PTPRM: variants seen among roughly 807,000 people sequenced by gnomAD.
The protein encoded by PTPRM is receptor-type tyrosine-protein phosphatase mu.
PTPRM carries 47 observed loss-of-function variants against 186.7 expected under a neutral mutation model. That is an observed-to-expected ratio of 0.25 (90% CI 0.20 to 0.32). The LOEUF (loss-of-function observed/expected upper bound fraction) is 0.32. PTPRM is among the 10% of genes least tolerant of loss of function. The probability of loss-of-function intolerance (pLI) is 1.00; values close to 1 mark genes in which losing one functional copy is unlikely to be tolerated. For missense variants in PTPRM, 1,494 were observed against 1,865.0 expected (o/e 0.80, Z 3.66); for synonymous variants, 668 against 674.9 (o/e 0.99, Z 0.16).
At chr18:7,930,637 C>T (rs577567851) in intron 5 of PTPRM, among the ~76,000 whole-genome samples, 21 of 152,244 alleles carry the variant, frequency 1.4e-4, no homozygotes, top group South Asian at 4.1e-4. Context: ...AGGCATTATG[C>T]ACTTACGCTT....
At chr18:8,387,592 A>AT (rs139880173) in intron 31 of PTPRM, among the ~76,000 whole-genome samples, 5,954 of 152,158 alleles carry the variant, frequency 0.039, 375 homozygotes, top group African/African-American at 0.13. Flanking sequence ...GGTAACTTGA[A>AT]TTCATCCATG....
At chr18:7,895,869 T>C (rs1182632887) in intron 3 of PTPRM, among the ~76,000 whole-genome samples, 1 of 152,204 alleles carries the variant, frequency 6.6e-6, no homozygotes, top group Non-Finnish European at 1.5e-5. Context: ...ATATTGACAT[T>C]GTTAGACATT....
intron 1 of PTPRM, among the ~76,000 whole-genome samples, chr18:7,714,629 A>G (rs2040284575): frequency 1.3e-5 from 2 of 152,352 alleles, no homozygotes; most frequent in South Asian, 4.1e-4. Flanking sequence ...TAGCCAGACT[A>G]ACAAAGCAGA....
Position 8,033,461 on chromosome 18 carries a change from A to G in PTPRM, c.1133-36225A>G, listed in dbSNP as rs1056827729. On this transcript the variant is annotated intron_variant, in intron 7 of 32. Transcript: ENST00000580170. ...TGCAAACATCGTAGAGTGCACAGAC[A>G]CAAACCTAGATGGTAGAGCCAACTA... is the stretch of plus-strand genomic sequence containing the variant. 4.6e-5 allele frequency among the ~76,000 whole-genome samples: 7 copies of G among 152,226 alleles called. No homozygotes were observed. In the East Asian group the frequency reaches 1.3e-3, roughly 29 times the overall value.
At chr18:7,624,419 T>C (rs1169049544) in intron 1 of PTPRM, among the ~76,000 whole-genome samples, 1 of 152,210 alleles carries the variant, frequency 6.6e-6, no homozygotes, top group East Asian at 1.9e-4. Context: ...TGACTGGATT[T>C]TGATCCTAGT....
chr18:8,205,639 C>A (rs1314606121), intron 14 of PTPRM, among the ~76,000 whole-genome samples: 1 of 152,186 alleles, frequency 6.6e-6, no homozygotes, highest in Non-Finnish European at 1.5e-5. Context: ...ACCCATAACA[C>A]ATGTTCAGTG....
chr18:8,305,431 A>C (rs2095211387), intron 20 of PTPRM, among the ~76,000 whole-genome samples: 1 of 152,190 alleles, frequency 6.6e-6, no homozygotes, highest in Non-Finnish European at 1.5e-5. Flanking sequence ...CTTACTAATG[A>C]TTACTTATAT....
intron 29 of PTPRM, among the ~76,000 whole-genome samples, chr18:8,384,048 G>C (rs1372553573): frequency 6.6e-6 from 1 of 152,202 alleles, no homozygotes; most frequent in Non-Finnish European, 1.5e-5. Context: ...AAAAGTCCCA[G>C]GAAAAGGACA....
chr18:8,203,619 A>C (rs536638687), intron 14 of PTPRM, among the ~76,000 whole-genome samples: 1 of 152,292 alleles, frequency 6.6e-6, no homozygotes, highest in East Asian at 1.9e-4. Context: ...GTTATATGGA[A>C]GAATTCCTTG....
At chr18:7,828,126 A>T (rs183657535) in intron 2 of PTPRM, among the ~76,000 whole-genome samples, 1 of 152,244 alleles carries the variant, frequency 6.6e-6, no homozygotes. Flanking sequence ...GTCCTATCTC[A>T]TAATTAGTAA....
At position 8,069,873 on chromosome 18, in the gene PTPRM, A is replaced by G; in HGVS notation, c.1320A>G (p.Ser440=). ...AAGTAAGCTGGGATACAGAAAACTC[A>G]CACCCTCAACACACGATCACTAACC... ...REEVSWDTEN[S]HPQHTITNLS... The change falls in exon 8 of 33, where the codon TCA becomes TCG. Residue 440 remains serine, a synonymous_variant. Transcript: ENST00000580170. 1 of 1,613,782 alleles carries G rather than the reference A, an allele frequency of 6.2e-7. No individual in the cohort carries two copies. Among genetic ancestry groups the G allele is most frequent in the Non-Finnish European group, 8.5e-7 (1 of 1,179,760 alleles).
At chr18:7,873,423 A>G (rs1484481223) in intron 2 of PTPRM, among the ~76,000 whole-genome samples, 1 of 152,216 alleles carries the variant, frequency 6.6e-6, no homozygotes, top group African/African-American at 2.4e-5. Context: ...CTGGATTACA[A>G]TCTGCTTTTC....
At chr18:7,655,465 A>G (rs2144326222) in intron 1 of PTPRM, among the ~76,000 whole-genome samples, 1 of 152,378 alleles carries the variant, frequency 6.6e-6, no homozygotes, top group Middle Eastern at 3.4e-3. Context: ...GGAATGCAAA[A>G]TAGAACAGCT....
intron 32 of PTPRM, among the ~76,000 whole-genome samples, chr18:8,397,584 T>G (rs762220935): frequency 6.6e-6 from 1 of 152,152 alleles, no homozygotes; most frequent in Admixed American, 6.5e-5. Flanking sequence ...CGCTTCTAAG[T>G]TATCCATCTC....
At chr18:7,771,455 C>T (rs182803239) in intron 1 of PTPRM, among the ~76,000 whole-genome samples, 540 of 152,256 alleles carry the variant, frequency 3.5e-3, no homozygotes, top group Non-Finnish European at 5.3e-3. Context: ...GTTAGTATTA[C>T]GCATTTGAAA....
chr18:8,397,200 C>T (rs957365074), intron 32 of PTPRM, among the ~76,000 whole-genome samples: 7 of 152,376 alleles, frequency 4.6e-5, no homozygotes, highest in African/African-American at 1.2e-4. Context: ...TCGCCCCAGC[C>T]CCACCAGATC....
At chr18:8,362,685 G>A (rs1437041893) in intron 23 of PTPRM, among the ~76,000 whole-genome samples, 1 of 152,156 alleles carries the variant, frequency 6.6e-6, no homozygotes, top group African/African-American at 2.4e-5. Flanking sequence ...CCCTTATGAA[G>A]CTTTGCATAC....
chr18:7,663,913 A>G (rs977160572), intron 1 of PTPRM, among the ~76,000 whole-genome samples: 2 of 152,114 alleles, frequency 1.3e-5, no homozygotes, highest in African/African-American at 4.8e-5. Flanking sequence ...CCCAGGACAG[A>G]TGACTCATGC....
chr18:7,716,575 AATCT>A (rs573743917), intron 1 of PTPRM, among the ~76,000 whole-genome samples: 50 of 152,354 alleles, frequency 3.3e-4, no homozygotes, highest in African/African-American at 1.2e-3. Context: ...AAATTTTTGC[AATCT>A]ATCCATCTGA....
Sources: gnomAD v4.1 joint callset for allele counts (sites outside exome capture counted in the v4.1 genomes callset) on GRCh38, gnomAD v4.1.1 for gene constraint, MANE v1.5 for transcripts, NCBI Gene and HGNC (gene_info 2026-07-23, HGNC 2026-07-21) for gene names.